ITFG1: variants seen among roughly 807,000 people sequenced by gnomAD.
The protein encoded by ITFG1 is T-cell immunomodulatory protein.
In ITFG1, 34 loss-of-function variants were observed where a neutral mutation model predicts 81.8. The observed-to-expected ratio is 0.42, with a 90% CI of 0.32 to 0.55. ITFG1 has a LOEUF of 0.55. Among genes scored for constraint, ITFG1 ranks in the 20% least tolerant of loss-of-function variants. ITFG1 has a pLI of 0.17. For missense variants in ITFG1, 672 were observed against 755.4 expected (o/e 0.89, Z 1.29); for synonymous variants, 285 against 270.6 (o/e 1.05, Z -0.52).
At chr16:47,373,101 A>G (rs957562196) in intron 7 of ITFG1, among the ~76,000 whole-genome samples, 4 of 152,110 alleles carry the variant, frequency 2.6e-5, no homozygotes, top group Non-Finnish European at 5.9e-5. Context: ...TCTTGTATAA[A>G]CCAATTTTTC....
intron 14 of ITFG1, among the ~76,000 whole-genome samples, chr16:47,215,768 A>C (rs897084848): frequency 6.6e-6 from 1 of 152,222 alleles, no homozygotes; most frequent in African/African-American, 2.4e-5. Context: ...CAGTCTGGAG[A>C]ATATTATAAA....
chr16:47,284,765 GGAA>G (rs1416400938), intron 10 of ITFG1, among the ~76,000 whole-genome samples: 1 of 152,130 alleles, frequency 6.6e-6, no homozygotes, highest in Non-Finnish European at 1.5e-5. Context: ...AATAATTCAT[GGAA>G]GAATAACTGT....
intron 8 of ITFG1, among the ~76,000 whole-genome samples, chr16:47,340,629 C>T (rs1292581922): frequency 6.6e-6 from 1 of 151,934 alleles, no homozygotes; most frequent in East Asian, 1.9e-4. Context: ...AGTGAAAAGA[C>T]ATATAGAAAA....
chr16:47,348,910 A>G (rs1485304771), intron 8 of ITFG1, among the ~76,000 whole-genome samples: 1 of 152,230 alleles, frequency 6.6e-6, no homozygotes, highest in Non-Finnish European at 1.5e-5. Context: ...AATATTCAAC[A>G]TTCTTAAAGA....
chr16:47,372,665 C>G (rs1049833268), intron 7 of ITFG1, among the ~76,000 whole-genome samples: 2 of 151,910 alleles, frequency 1.3e-5, no homozygotes, highest in Admixed American at 1.3e-4. Context: ...GCTGGCCAGC[C>G]TGGTCTTAAA....
At chr16:47,354,919 G>T (rs1968017498) in intron 8 of ITFG1, among the ~76,000 whole-genome samples, 1 of 152,020 alleles carries the variant, frequency 6.6e-6, no homozygotes, top group Non-Finnish European at 1.5e-5. Context: ...GGAGAACAGG[G>T]AACCCTGACA....
intron 6 of ITFG1, among the ~76,000 whole-genome samples, chr16:47,408,489 T>A (rs1330363354): frequency 6.6e-6 from 1 of 152,098 alleles, no homozygotes; most frequent in East Asian, 1.9e-4. Flanking sequence ...TTACAAGAAG[T>A]AGAGAAATGA....
At chr16:47,369,275 C>T (rs1484843620) in intron 7 of ITFG1, among the ~76,000 whole-genome samples, 1 of 152,262 alleles carries the variant, frequency 6.6e-6, no homozygotes, top group East Asian at 1.9e-4. Flanking sequence ...GCAAAGAACA[C>T]TAGAATTGGA....
intron 10 of ITFG1, among the ~76,000 whole-genome samples, chr16:47,286,737 A>C (rs1966871102): frequency 6.6e-6 from 1 of 152,130 alleles, no homozygotes; most frequent in Admixed American, 6.5e-5. Context: ...CTTAAGTCCT[A>C]AAGAGAGATC....
At chr16:47,158,826 A>G in intron 17 of ITFG1, 47 bp downstream of exon 17, 1 of 948,196 alleles carries the variant, frequency 1.1e-6, no homozygotes, top group Non-Finnish European at 1.7e-6. Context: ...TGTATGTATT[A>G]CTAGAATAAA....
At chr16:47,326,714 C>CATGAGTGAAA (rs1967550534) in intron 8 of ITFG1, among the ~76,000 whole-genome samples, 1 of 152,170 alleles carries the variant, frequency 6.6e-6, no homozygotes, top group Non-Finnish European at 1.5e-5. Context: ...TGAGTGAACT[C>CATGAGTGAAA]CCATTCACAA....
At chr16:47,349,284 G>C (rs1408447668) in intron 8 of ITFG1, among the ~76,000 whole-genome samples, 1 of 152,120 alleles carries the variant, frequency 6.6e-6, no homozygotes, top group Non-Finnish European at 1.5e-5. Context: ...TAAAGAGTCA[G>C]ACCCATCAGT....
At chr16:47,158,560 T>C (rs920743608) in intron 17 of ITFG1, among the ~76,000 whole-genome samples, 9 of 152,254 alleles carry the variant, frequency 5.9e-5, no homozygotes, top group Admixed American at 1.3e-4. Flanking sequence ...ATCATTATTA[T>C]TTTTCAGGTC....
At chr16:47,160,636 T>C (rs1964789222) in intron 16 of ITFG1, among the ~76,000 whole-genome samples, 1 of 152,182 alleles carries the variant, frequency 6.6e-6, no homozygotes, top group African/African-American at 2.4e-5. Context: ...GTCATCTTAT[T>C]CCAAGCATAA....
chr16:47,403,597 T>C (rs1486535361), intron 6 of ITFG1, among the ~76,000 whole-genome samples: 4 of 152,170 alleles, frequency 2.6e-5, no homozygotes, highest in Non-Finnish European at 5.9e-5. Context: ...ATTATGCAAT[T>C]ACCATTAATT....
At chr16:47,369,265 G>C (rs1968218352) in intron 7 of ITFG1, among the ~76,000 whole-genome samples, 2 of 152,272 alleles carry the variant, frequency 1.3e-5, no homozygotes, top group South Asian at 4.2e-4. Flanking sequence ...ACAGTCTGGT[G>C]CAAAGAACAC....
chr16:47,458,978 C>A (rs1202331034), intron 2 of ITFG1, 125 bp downstream of exon 2: 3 of 612,308 alleles, frequency 4.9e-6, no homozygotes, highest in Non-Finnish European at 8.7e-6. Context: ...GCTACTCATA[C>A]CTCACAAACA....
chr16:47,360,594 C>T (rs970345300), intron 8 of ITFG1, among the ~76,000 whole-genome samples: 1 of 152,088 alleles, frequency 6.6e-6, no homozygotes, highest in Non-Finnish European at 1.5e-5. Flanking sequence ...ATAATCATCA[C>T]CTGTTTATTT....
chr16:47,157,797 A>C (rs1157444310), intron 17 of ITFG1, among the ~76,000 whole-genome samples: 1 of 152,208 alleles, frequency 6.6e-6, no homozygotes, highest in Admixed American at 6.5e-5. Flanking sequence ...TCTAGCAAAA[A>C]ATGATTATGA....
Sources: gnomAD v4.1 joint callset for allele counts (sites outside exome capture counted in the v4.1 genomes callset) on GRCh38, gnomAD v4.1.1 for gene constraint, MANE v1.5 for transcripts, NCBI Gene and HGNC (gene_info 2026-07-23, HGNC 2026-07-21) for gene names.